Variants in RBFOX1 observed in about 807,000 individuals in gnomAD.
The protein encoded by RBFOX1 is RNA binding fox-1 homolog 1, also known as RNA binding protein fox-1 homolog 1.
In RBFOX1, 8 loss-of-function variants were observed where a neutral mutation model predicts 57.7. That is an observed-to-expected ratio of 0.14 (90% CI 0.08 to 0.25). RBFOX1 has a LOEUF of 0.25. Ranked by LOEUF, RBFOX1 falls within the 10% of genes least tolerant of loss-of-function variation. RBFOX1 has a pLI of 1.00. For synonymous variants in RBFOX1, 326 were observed against 222.4 expected (o/e 1.47, Z -4.15); for missense variants, 611 against 548.5 (o/e 1.11, Z -1.14).
At chr16:6,434,663 T>C (rs1232315207) in intron 2 of RBFOX1, among the ~76,000 whole-genome samples, 4 of 152,226 alleles carry the variant, frequency 2.6e-5, no homozygotes, top group Non-Finnish European at 5.9e-5. Context: ...TCTGTAAATA[T>C]GATAAACACA....
In RBFOX1 at chr16:6,061,640, A is replaced by G. The variant is rs964721723; in HGVS notation, c.-127+41648A>G. On this transcript the variant is annotated intron_variant, in intron 1 of 15. Coordinates refer to ENST00000550418, the MANE Select transcript of RBFOX1 (RefSeq NM_018723.4). ...AAATGAAAATTATTTTCAGAAATTT[A>G]TTCTTAACAATATAAATAAATCTCT... is the stretch of plus-strand genomic sequence containing the variant. 7.9e-5 allele frequency among the ~76,000 whole-genome samples: 12 copies of G among 152,060 alleles called. No homozygotes were observed. In the South Asian group the frequency reaches 2.5e-3, roughly 32 times the overall value.
intron 1 of RBFOX1, among the ~76,000 whole-genome samples, chr16:6,166,649 T>TCC (rs1460543883): frequency 6.6e-6 from 1 of 152,164 alleles, no homozygotes; most frequent in Non-Finnish European, 1.5e-5. Context: ...ATAACGCCGG[T>TCC]CCCTGAATAA....
At chr16:6,378,867 C>T (rs762681981) in intron 2 of RBFOX1, among the ~76,000 whole-genome samples, 8 of 152,008 alleles carry the variant, frequency 5.3e-5, no homozygotes, top group Non-Finnish European at 1.0e-4. Context: ...AAACGGATTG[C>T]AGGGATGGTG....
intron 2 of RBFOX1, among the ~76,000 whole-genome samples, chr16:6,340,675 A>T (rs1599813587): frequency 6.6e-6 from 1 of 152,036 alleles, no homozygotes; most frequent in East Asian, 1.9e-4. Flanking sequence ...GTATTGGTGG[A>T]TCTTGGCTTC....
At chr16:7,453,920 T>C (rs187863190) in intron 4 of RBFOX1, among the ~76,000 whole-genome samples, 14 of 152,276 alleles carry the variant, frequency 9.2e-5, no homozygotes, top group Non-Finnish European at 1.9e-4. Context: ...AGTGTTGGTC[T>C]TCTGGTAGGG....
rs142130631 is a variant in RBFOX1, at chr16:6,935,696, G to T, written c.-15-116361G>T. Among the ~76,000 whole-genome samples the T allele has an allele frequency of 5.0e-4, 76 of 152,292 alleles. 1 individual carries two copies. The highest frequency in any genetic ancestry group is 1.7e-3 in the African/African-American group (70 of 41,558). ...GCCTTATTCAAAGGGTGATTAGGAG[G>T]TTTGAGAATCAGTGTGGCAGCTAAG... On this transcript the variant is annotated intron_variant, in intron 3 of 15. Transcript: ENST00000550418.
chr16:6,133,818 G>A (rs1002757957), intron 1 of RBFOX1, among the ~76,000 whole-genome samples: 1 of 152,038 alleles, frequency 6.6e-6, no homozygotes, highest in African/African-American at 2.4e-5. Context: ...TGCCTCATGT[G>A]CCCCAAGCAA....
chr16:5,521,072 C>T (rs1226871150), intron 2 of RBFOX1, among the ~76,000 whole-genome samples: 1 of 152,166 alleles, frequency 6.6e-6, no homozygotes, highest in Non-Finnish European at 1.5e-5. Context: ...CTGAACCAGC[C>T]CCTAACCTCT....
intron 3 of RBFOX1, among the ~76,000 whole-genome samples, chr16:6,910,856 A>G (rs561683697): frequency 6.6e-5 from 10 of 152,296 alleles, no homozygotes; most frequent in East Asian, 1.9e-4. Context: ...GAATGCCTCC[A>G]TTTCATGCTG....
At chr16:6,001,398 A>G (rs2060597595) in intron 4 of RBFOX1, among the ~76,000 whole-genome samples, 1 of 152,234 alleles carries the variant, frequency 6.6e-6, no homozygotes, top group African/African-American at 2.4e-5. Context: ...GGAGCTCTGC[A>G]ATGTAATATT....
chr16:6,590,723 C>T (rs746224745), intron 2 of RBFOX1, among the ~76,000 whole-genome samples: 70 of 152,234 alleles, frequency 4.6e-4, no homozygotes, highest in African/African-American at 1.5e-3. Context: ...TTCGTATTGA[C>T]GGTCGTACAT....
chr16:7,061,670 C>G (rs765525204), intron 4 of RBFOX1, among the ~76,000 whole-genome samples: 1 of 152,152 alleles, frequency 6.6e-6, no homozygotes, highest in African/African-American at 2.4e-5. Flanking sequence ...ATGCCCCTTT[C>G]CAGGGAAAAT....
At chr16:6,428,884 A>C (rs1458079653) in intron 2 of RBFOX1, among the ~76,000 whole-genome samples, 1 of 152,240 alleles carries the variant, frequency 6.6e-6, no homozygotes, top group Non-Finnish European at 1.5e-5. Context: ...CTAGAGATTT[A>C]TTAGCTTTAT....
At chr16:7,454,210 G>T (rs909012305) in intron 4 of RBFOX1, among the ~76,000 whole-genome samples, 4 of 152,184 alleles carry the variant, frequency 2.6e-5, no homozygotes, top group African/African-American at 9.7e-5. Flanking sequence ...TCCAGCCTGG[G>T]CAGGAGGGCG....
intron 4 of RBFOX1, among the ~76,000 whole-genome samples, chr16:7,161,218 A>T (rs989770339): frequency 6.6e-6 from 1 of 152,204 alleles, no homozygotes; most frequent in African/African-American, 2.4e-5. Context: ...ATGAGGTCAT[A>T]GGCAGGTTCG....
At chr16:5,820,434 G>T (rs1389299039) in intron 3 of RBFOX1, among the ~76,000 whole-genome samples, 2 of 152,178 alleles carry the variant, frequency 1.3e-5, no homozygotes, top group East Asian at 3.9e-4. Context: ...CCGGCCACGT[G>T]GCTGGACCGT....
intron 1 of RBFOX1, among the ~76,000 whole-genome samples, chr16:6,205,241 C>A (rs1037278209): frequency 2.6e-5 from 4 of 152,138 alleles, no homozygotes; most frequent in Non-Finnish European, 5.9e-5. Context: ...GAAGAGTCCT[C>A]TTCTGTCAGG....
At chr16:7,487,053 T>C (rs1422784649) in intron 4 of RBFOX1, among the ~76,000 whole-genome samples, 2 of 152,092 alleles carry the variant, frequency 1.3e-5, no homozygotes, top group South Asian at 4.2e-4. Context: ...GTACCTGCCA[T>C]CATGCCCAGC....
intron 1 of RBFOX1, among the ~76,000 whole-genome samples, chr16:5,429,607 A>G (rs552319): frequency 0.58 from 88,086 of 151,904 alleles, 25,667 homozygotes; most frequent in East Asian, 0.68. Context: ...TGCTCGCAGC[A>G]TGTGGTTCAG....
Sources: gnomAD v4.1 joint callset for allele counts (sites outside exome capture counted in the v4.1 genomes callset) on GRCh38, gnomAD v4.1.1 for gene constraint, MANE v1.5 for transcripts, NCBI Gene and HGNC (gene_info 2026-07-23, HGNC 2026-07-21) for gene names.